CNTN6: variants seen among roughly 807,000 people sequenced by gnomAD.
CNTN6 encodes contactin 6, also known as contactin-6.
Under a neutral mutation model 122.8 loss-of-function variants are expected in CNTN6, and 137 were observed. The ratio of observed to expected loss-of-function variants is 1.12; its 90% CI spans 0.97 to 1.29. CNTN6 has a LOEUF of 1.29. Ranked by LOEUF, CNTN6 falls within the 50% of genes most tolerant of loss-of-function variation. The probability of loss-of-function intolerance (pLI) is 0.00; values close to 1 mark genes in which losing one functional copy is unlikely to be tolerated. For missense variants in CNTN6, 1,634 were observed against 1,223.4 expected (o/e 1.34, Z -5.01); for synonymous variants, 570 against 426.0 (o/e 1.34, Z -4.16).
At chr3:1,283,864 G>T (rs1278807552) in intron 5 of CNTN6, among the ~76,000 whole-genome samples, 10 of 152,278 alleles carry the variant, frequency 6.6e-5, no homozygotes, top group African/African-American at 2.2e-4. Flanking sequence ...GCCGGGTGTG[G>T]TGGCAGGCGC....
In CNTN6 at chr3:1,401,424, T is replaced by A. The variant is rs752660380; in HGVS notation, c.2705-9T>A. 1.4e-5 allele frequency: 23 copies of A among 1,605,704 alleles called. No homozygotes were observed. In the South Asian group the frequency reaches 2.5e-4, roughly 18 times the overall value. ...ACATTCATTTGGATCTTTGATTATC[T>A]CTTTAAAGCTCCAAGCCAACCACCA... On this transcript the variant is annotated splice_polypyrimidine_tract_variant and intron_variant, in intron 20 of 22. Coordinates refer to ENST00000446702, the MANE Select transcript of CNTN6 (RefSeq NM_001289080.2).
At position 1,140,661 on chromosome 3, in the gene CNTN6, C is replaced by T. The variant is rs530771517; in HGVS notation, c.-82-7266C>T. Among the ~76,000 whole-genome samples the T allele has an allele frequency of 7.9e-5, 12 of 152,218 alleles. No homozygotes were observed. In the South Asian group the frequency reaches 2.1e-3, roughly 26 times the overall value. On this transcript the variant is annotated intron_variant, in intron 1 of 22. Coordinates refer to ENST00000446702, the MANE Select transcript of CNTN6 (RefSeq NM_001289080.2). ...TCAAGCAAAAGGCATATGAGAGATA[C>T]TCTCTTGATGACTGAGTTAAGTTCT...
intron 12 of CNTN6, among the ~76,000 whole-genome samples, chr3:1,364,264 A>T (rs1477146132): frequency 1.3e-5 from 2 of 151,906 alleles, no homozygotes; most frequent in African/African-American, 4.8e-5. Context: ...ATATGAGAGA[A>T]TTTTGTCACC....
At chr3:1,293,331 T>C (rs1695651776) in intron 5 of CNTN6, among the ~76,000 whole-genome samples, 1 of 152,098 alleles carries the variant, frequency 6.6e-6, no homozygotes, top group Admixed American at 6.6e-5. Flanking sequence ...ATTTTTTTTT[T>C]CTCGATGGAA....
chr3:1,184,990 C>T (rs1161183117), intron 2 of CNTN6, among the ~76,000 whole-genome samples: 1 of 152,086 alleles, frequency 6.6e-6, no homozygotes, highest in African/African-American at 2.4e-5. Flanking sequence ...CGTTAATGTA[C>T]ACTTGGTAGG....
At chr3:1,144,547 C>T (rs1025459541) in intron 1 of CNTN6, among the ~76,000 whole-genome samples, 5 of 151,134 alleles carry the variant, frequency 3.3e-5, no homozygotes, top group African/African-American at 1.2e-4. Context: ...TGTACTCCAG[C>T]CTGGACAACA....
chr3:1,297,002 G>T (rs1215631163), intron 6 of CNTN6, among the ~76,000 whole-genome samples: 1 of 151,960 alleles, frequency 6.6e-6, no homozygotes, highest in Non-Finnish European at 1.5e-5. Flanking sequence ...TATTTTAAAA[G>T]TGAGCAGGTA....
At chr3:1,120,791 T>C (rs557306179) in intron 1 of CNTN6, among the ~76,000 whole-genome samples, 1 of 152,066 alleles carries the variant, frequency 6.6e-6, no homozygotes, top group East Asian at 1.9e-4. Flanking sequence ...TTAAAATTGA[T>C]TTTTGTGGAT....
At chr3:1,385,358 T>G (rs886130097) in intron 19 of CNTN6, among the ~76,000 whole-genome samples, 1 of 146,536 alleles carries the variant, frequency 6.8e-6, no homozygotes, top group African/African-American at 2.8e-5. Flanking sequence ...ATAAAATACT[T>G]TATTTTGGTA....
At chr3:1,144,213 C>T (rs1042759706) in intron 1 of CNTN6, among the ~76,000 whole-genome samples, 1 of 152,072 alleles carries the variant, frequency 6.6e-6, no homozygotes, top group Non-Finnish European at 1.5e-5. Context: ...AAGTGCAAGC[C>T]TTAAGAGAAA....
intron 4 of CNTN6, 29 bp downstream of exon 4, chr3:1,228,022 T>C (rs764278535): frequency 1.9e-6 from 3 of 1,597,906 alleles, no homozygotes; most frequent in Admixed American, 3.4e-5. Context: ...TTGTAATCTT[T>C]GTCTCTGAAA....
chr3:1,097,027 A>T (rs2090563564), intron 1 of CNTN6, among the ~76,000 whole-genome samples: 1 of 152,214 alleles, frequency 6.6e-6, no homozygotes, highest in Non-Finnish European at 1.5e-5. Flanking sequence ...CTTTGAATGA[A>T]AATTTTATTA....
chr3:1,137,736 A>C (rs889650305), intron 1 of CNTN6, among the ~76,000 whole-genome samples: 1 of 152,182 alleles, frequency 6.6e-6, no homozygotes, highest in African/African-American at 2.4e-5. Flanking sequence ...CAGGCTCAGA[A>C]AACTAATTTA....
intron 2 of CNTN6, among the ~76,000 whole-genome samples, chr3:1,212,514 CAT>C (rs2094058932): frequency 2.0e-5 from 3 of 149,240 alleles, no homozygotes; most frequent in African/African-American, 4.9e-5. Context: ...TATATATATA[CAT>C]ATGTGTGTGT....
chr3:1,202,543 AAAATAAATAAATAAATAAAT>A (rs201394766), intron 2 of CNTN6, among the ~76,000 whole-genome samples: 9,972 of 126,510 alleles, frequency 0.079, 432 homozygotes, highest in Middle Eastern at 0.12. Context: ...TCCGTCTCAA[AAAATAAATAAATAAATAAAT>A]AAATAAATAA....
At position 1,101,081 on chromosome 3, in the gene CNTN6, A is replaced by G. The variant is rs146295901; in HGVS notation, c.-83+7961A>G. On this transcript the variant is annotated intron_variant, in intron 1 of 22. Transcript: ENST00000446702. Reference sequence around the variant, plus strand: ...TTGATTCTACAGTGGCTCTACAAATATCTCTGGTTCTGGACTATTTTATAT... The same window carrying G: ...TTGATTCTACAGTGGCTCTACAAATGTCTCTGGTTCTGGACTATTTTATAT... Among the ~76,000 whole-genome samples, 205 of 152,286 alleles carry G rather than the reference A, an allele frequency of 1.3e-3. 1 individual carries two copies. Among genetic ancestry groups the G allele is most frequent in the African/African-American group, 4.7e-3 (195 of 41,560 alleles).
intron 4 of CNTN6, among the ~76,000 whole-genome samples, chr3:1,245,219 T>TATATATAAAAC (rs1559595089): frequency 4.3e-5 from 1 of 23,128 alleles, no homozygotes; most frequent in Non-Finnish European, 7.2e-5. Flanking sequence ...TATATATATA[T>TATATATAAAAC]ATATATATAT....
At chr3:1,306,374 A>G (rs1698355517) in intron 7 of CNTN6, among the ~76,000 whole-genome samples, 1 of 152,190 alleles carries the variant, frequency 6.6e-6, no homozygotes, top group Non-Finnish European at 1.5e-5. Context: ...TCTGTTGACC[A>G]TGCTCACAAA....
At chr3:1,098,619 T>C (rs1233622384) in intron 1 of CNTN6, among the ~76,000 whole-genome samples, 2 of 151,422 alleles carry the variant, frequency 1.3e-5, no homozygotes, top group Non-Finnish European at 2.9e-5. Context: ...ATATTTGACT[T>C]CTATTGCAGA....
Sources: allele counts gnomAD v4.1 joint callset (sites outside exome capture counted in the v4.1 genomes callset), GRCh38; gene constraint gnomAD v4.1.1; transcripts MANE v1.5; gene names NCBI Gene and HGNC (gene_info 2026-07-23, HGNC 2026-07-21).